Variants in CASTOR2 observed in about 807,000 individuals in gnomAD.
CASTOR2 encodes cytosolic arginine sensor for mTORC1 subunit 2, also known as GATS protein like 2.
In CASTOR2, 8 loss-of-function variants were observed where a neutral mutation model predicts 31.2. That is an observed-to-expected ratio of 0.26 (90% CI 0.15 to 0.46). CASTOR2 has a LOEUF of 0.46. Ranked by LOEUF, CASTOR2 falls within the 20% of genes least tolerant of loss-of-function variation. CASTOR2 has a pLI of 0.99. For missense variants in CASTOR2, 216 were observed against 382.1 expected (o/e 0.57, Z 3.62); for synonymous variants, 162 against 158.7 (o/e 1.02, Z -0.16).
chr7:75,007,896 G>A lies in CASTOR2; in HGVS notation c.114-98G>A, dbSNP rs1554438926. The A allele has an allele frequency of 8.2e-6, 13 of 1,577,208 alleles. No individual in the cohort carries two copies. In the African/African-American group the frequency reaches 1.2e-4, roughly 15 times the overall value. ...CCCAGCAGCCTGGGGCCGGAACTCT[G>A]GGTGAACTGAGTCATCATCCCCAGG... On this transcript the variant is annotated intron_variant, in intron 1 of 8. Coordinates refer to ENST00000616305, the MANE Select transcript of CASTOR2 (RefSeq NM_001145064.3).
At chr7:74,992,261 AGAT>A (rs1212282737) in intron 1 of CASTOR2, among the ~76,000 whole-genome samples, 2 of 152,124 alleles carry the variant, frequency 1.3e-5, no homozygotes, top group Non-Finnish European at 2.9e-5. Flanking sequence ...TTTTGTCTAA[AGAT>A]GATCTATTCC....
intron 6 of CASTOR2, among the ~76,000 whole-genome samples, chr7:75,020,996 T>C (rs1485094925): frequency 2.6e-5 from 4 of 151,662 alleles, no homozygotes; most frequent in African/African-American, 9.7e-5. Context: ...TTTTTTAATA[T>C]TTATTTACTT....
chr7:75,017,948 C>T, intron 3 of CASTOR2, 42 bp from the exon 4 acceptor site: 1 of 1,614,078 alleles, frequency 6.2e-7, no homozygotes, highest in Non-Finnish European at 8.5e-7. Context: ...CCACATCCCC[C>T]AGGGCCACCA....
At chr7:75,004,242 G>C (rs1804560768) in intron 1 of CASTOR2, among the ~76,000 whole-genome samples, 1 of 152,192 alleles carries the variant, frequency 6.6e-6, no homozygotes, top group African/African-American at 2.4e-5. Context: ...TTACTGTGGT[G>C]ATAATTTGCT....
chr7:75,006,725 G>A (rs1324281501), intron 1 of CASTOR2, among the ~76,000 whole-genome samples: 2 of 152,194 alleles, frequency 1.3e-5, no homozygotes, highest in South Asian at 2.1e-4. Flanking sequence ...CAGTGAATAA[G>A]TCTCACGAGA....
At chr7:74,974,891 C>CT in intron 1 of CASTOR2, among the ~76,000 whole-genome samples, 1 of 140,988 alleles carries the variant, frequency 7.1e-6, no homozygotes, top group Non-Finnish European at 1.5e-5. Context: ...TGTCTTCTGT[C>CT]TATCCACTCT....
At chr7:75,010,606 G>A (rs2131947489) in intron 2 of CASTOR2, among the ~76,000 whole-genome samples, 1 of 152,174 alleles carries the variant, frequency 6.6e-6, no homozygotes, top group East Asian at 1.9e-4. Flanking sequence ...TTTTGAAACT[G>A]TCTTGCCCTG....
intron 1 of CASTOR2, among the ~76,000 whole-genome samples, chr7:74,994,745 A>G (rs1443833287): frequency 6.6e-6 from 1 of 151,522 alleles, no homozygotes; most frequent in Non-Finnish European, 1.5e-5. Context: ...GCAAGACTCC[A>G]TCTCCAAAAA....
rs1804427571 is a variant in CASTOR2 at position 74,999,102 on chromosome 7, TCTC to T, written c.114-8889_114-8887del. Among the ~76,000 whole-genome samples, 3 of 152,066 alleles carry T rather than the reference TCTC, an allele frequency of 2.0e-5. No homozygotes were observed. In the East Asian group the frequency reaches 5.8e-4, roughly 29 times the overall value. On this transcript the variant is annotated intron_variant, in intron 1 of 8. Transcript: ENST00000616305. The stretch of plus-strand genomic sequence containing the variant: ...GCTCCACCTCCTGTGCTCACACCAT[TCTC>T]CTGCCTCAGCCTCCCGAGTAGCTGG...
chr7:75,024,778 C>T lies in CASTOR2; in HGVS notation c.*79C>T. On this transcript the variant is annotated 3_prime_UTR_variant, in exon 9 of 9. Coordinates refer to ENST00000616305, the MANE Select transcript of CASTOR2 (RefSeq NM_001145064.3). ...AGATTGATCTTGCAGTATTTCTCTA[C>T]AGACTGGAAAATCAGCCTGGGGACC... 4 of 1,551,206 alleles carry T rather than the reference C, an allele frequency of 2.6e-6. No individual in the cohort carries two copies. Among genetic ancestry groups the T allele is most frequent in the Non-Finnish European group, 2.6e-6 (3 of 1,146,816 alleles).
intron 1 of CASTOR2, among the ~76,000 whole-genome samples, chr7:74,999,007 G>GT (rs1337372049): frequency 1.3e-5 from 2 of 148,920 alleles, no homozygotes; most frequent in African/African-American, 2.5e-5. Context: ...TTTTTTTTTT[G>GT]TTTTTTGAGA....
At position 74,983,697 on chromosome 7, in the gene CASTOR2, T is replaced by C. The variant is rs1483691516; in HGVS notation, c.113+18599T>C. Among the ~76,000 whole-genome samples, 181 of 151,168 alleles carry C rather than the reference T, an allele frequency of 1.2e-3. 1 individual carries two copies. The highest frequency in any genetic ancestry group is 3.7e-3 in the African/African-American group (152 of 40,912). On this transcript the variant is annotated intron_variant, in intron 1 of 8. Coordinates refer to ENST00000616305, the MANE Select transcript of CASTOR2 (RefSeq NM_001145064.3). ...TTATGTGATTCCCATGGCACCATGG[T>C]GTGGGGAATGTCTCCCAACAAGACA...
chr7:75,017,537 C>T, intron 2 of CASTOR2, 61 bp from the exon 3 acceptor site: 1 of 1,585,042 alleles, frequency 6.3e-7, no homozygotes, highest in Non-Finnish European at 8.6e-7. Flanking sequence ...CTGCCTTGCC[C>T]TGCCCTTGGG....
intron 1 of CASTOR2, among the ~76,000 whole-genome samples, chr7:74,993,770 G>A (rs1437930827): frequency 1.9e-3 from 287 of 147,612 alleles, no homozygotes; most frequent in African/African-American, 6.4e-3. Flanking sequence ...CTTATTTGCT[G>A]GTGAACTGGT....
chr7:74,999,813 T>C (rs1804451655), intron 1 of CASTOR2, among the ~76,000 whole-genome samples: 1 of 151,928 alleles, frequency 6.6e-6, no homozygotes. Flanking sequence ...AGACGGGGTT[T>C]CACCTTGTCC....
Position 75,003,336 on chromosome 7 carries a change from A to G in CASTOR2, c.114-4658A>G, listed in dbSNP as rs1178015040. On this transcript the variant is annotated intron_variant, in intron 1 of 8. Coordinates refer to ENST00000616305, the MANE Select transcript of CASTOR2 (RefSeq NM_001145064.3). ...TTGGGTAATGCACGCCTGTAGTCCA[A>G]GCTAGTTGGGAGGCTGAGCTAGGAG... Among the ~76,000 whole-genome samples, 11 of 152,184 alleles carry G rather than the reference A, an allele frequency of 7.2e-5. 1 individual carries two copies. The highest frequency in any genetic ancestry group is 2.6e-4 in the African/African-American group (11 of 41,536).
chr7:74,989,541 C>T (rs1421123997), intron 1 of CASTOR2, among the ~76,000 whole-genome samples: 5 of 151,912 alleles, frequency 3.3e-5, no homozygotes, highest in Non-Finnish European at 7.4e-5. Flanking sequence ...CCCAACTCAG[C>T]CACCTGAGTA....
intron 2 of CASTOR2, among the ~76,000 whole-genome samples, chr7:75,015,674 C>G (rs1804847224): frequency 6.6e-6 from 1 of 152,196 alleles, no homozygotes; most frequent in Non-Finnish European, 1.5e-5. Context: ...CAGACCCGCA[C>G]TGGAATCCTG....
chr7:75,021,942 A>G lies in CASTOR2; in HGVS notation c.815A>G (p.Gln272Arg). 1 of 1,551,774 alleles carries G rather than the reference A, an allele frequency of 6.4e-7. No homozygotes were observed. Among genetic ancestry groups the G allele is most frequent in the Non-Finnish European group, 8.7e-7 (1 of 1,146,888 alleles). The change falls in exon 7 of 9, where the codon CAG (glutamine) becomes CGG (arginine). Residue 272 changes from glutamine to arginine, a missense_variant. Physicochemically the swap from Gln to Arg is conservative, Grantham distance 43 (BLOSUM62 1). Transcript: ENST00000616305. The stretch of plus-strand genomic sequence containing the variant: ...TGGAAGATGGTCCGGATTGGAGGAC[A>G]GCCCCTGGGGTTTGGTGAGTCCTGG... ...ELWKMVRIGG[Q>R]PLGFDECGIV...
Sources: gnomAD v4.1 joint callset for allele counts (sites outside exome capture counted in the v4.1 genomes callset) on GRCh38, gnomAD v4.1.1 for gene constraint, MANE v1.5 for transcripts, NCBI Gene and HGNC (gene_info 2026-07-23, HGNC 2026-07-21) for gene names.